FBXO4: variants seen among roughly 807,000 people sequenced by gnomAD.
FBXO4 encodes the protein F-box protein 4.
Under a neutral mutation model 43.7 loss-of-function variants are expected in FBXO4, and 36 were observed. The ratio of observed to expected loss-of-function variants is 0.82; its 90% CI spans 0.63 to 1.09. FBXO4 has a LOEUF of 1.09. FBXO4 is among the 50% of genes least tolerant of loss of function. The pLI is 0.00. For missense variants in FBXO4, 435 were observed against 474.1 expected (o/e 0.92, Z 0.77); for synonymous variants, 180 against 165.6 (o/e 1.09, Z -0.67).
the FBXO4 span, among the ~76,000 whole-genome samples, chr5:42,028,221 A>G: frequency 7.2e-5 from 11 of 152,016 alleles, no homozygotes; most frequent in Non-Finnish European, 1.5e-4. Context: ...GTGCATATAT[A>G]TTTAAAATTG....
At chr5:41,956,490 G>A in the FBXO4 span, among the ~76,000 whole-genome samples, 3 of 152,096 alleles carry the variant, frequency 2.0e-5, no homozygotes, top group Non-Finnish European at 4.4e-5. Flanking sequence ...CAGGTCTGCT[G>A]GAGATGAAGT....
the FBXO4 span, among the ~76,000 whole-genome samples, chr5:41,949,642 A>C: frequency 6.6e-6 from 1 of 152,242 alleles, no homozygotes; most frequent in Non-Finnish European, 1.5e-5. Flanking sequence ...ATACTGCCCA[A>C]GGTATTTTAC....
the FBXO4 span, among the ~76,000 whole-genome samples, chr5:41,970,997 C>A: frequency 6.6e-6 from 1 of 151,622 alleles, no homozygotes; most frequent in East Asian, 1.9e-4. Flanking sequence ...AATATAAAAC[C>A]AAATGCAAGA....
the FBXO4 span, among the ~76,000 whole-genome samples, chr5:42,023,473 A>G: frequency 1.3e-5 from 2 of 152,078 alleles, no homozygotes; most frequent in Admixed American, 6.6e-5. Flanking sequence ...CTCTAAATAC[A>G]ATAGGTATTC....
At chr5:42,012,872 G>A in the FBXO4 span, among the ~76,000 whole-genome samples, 1 of 152,176 alleles carries the variant, frequency 6.6e-6, no homozygotes, top group East Asian at 1.9e-4. Context: ...AATGATGCCT[G>A]TTACAAAGCA....
chr5:42,032,110 T>C, the FBXO4 span, among the ~76,000 whole-genome samples: 1 of 150,370 alleles, frequency 6.7e-6, no homozygotes, highest in African/African-American at 2.5e-5. Context: ...TTCTGGGTCA[T>C]GTAAAGCTGG....
chr5:42,006,566 A>G, the FBXO4 span, among the ~76,000 whole-genome samples: 2 of 152,032 alleles, frequency 1.3e-5, no homozygotes, highest in Non-Finnish European at 2.9e-5. Context: ...ATTACATTTA[A>G]AAAGTCAATT....
At chr5:41,957,178 A>G in the FBXO4 span, among the ~76,000 whole-genome samples, 530 of 151,920 alleles carry the variant, frequency 3.5e-3, 2 homozygotes, top group African/African-American at 0.012. Context: ...GCCATCCATT[A>G]TTTCTTTCAA....
chr5:41,957,483 AATT>A, the FBXO4 span, among the ~76,000 whole-genome samples: 1 of 148,836 alleles, frequency 6.7e-6, no homozygotes, highest in Admixed American at 6.7e-5. Context: ...TAATAACAAT[AATT>A]ATAATAATCC....
chr5:41,988,811 A>G, the FBXO4 span, among the ~76,000 whole-genome samples: 2 of 152,124 alleles, frequency 1.3e-5, no homozygotes, highest in African/African-American at 4.8e-5. Flanking sequence ...ATGACTTTCA[A>G]GCTTCTTACA....
At chr5:41,962,822 A>G in the FBXO4 span, among the ~76,000 whole-genome samples, 1 of 152,216 alleles carries the variant, frequency 6.6e-6, no homozygotes, top group African/African-American at 2.4e-5. Flanking sequence ...ACTCCAAATC[A>G]TCATGCCATC....
the FBXO4 span, among the ~76,000 whole-genome samples, chr5:41,994,258 A>G: frequency 3.3e-5 from 5 of 152,392 alleles, no homozygotes; most frequent in South Asian, 2.1e-4. Context: ...GTCTTATGTC[A>G]CATGATAAAG....
the FBXO4 span, among the ~76,000 whole-genome samples, chr5:41,965,335 T>G: frequency 2.0e-5 from 3 of 152,210 alleles, no homozygotes; most frequent in Non-Finnish European, 4.4e-5. Context: ...CCAGCTTTGT[T>G]CTTTTGGCTT....
chr5:42,027,944 A>G, the FBXO4 span, among the ~76,000 whole-genome samples: 1 of 151,890 alleles, frequency 6.6e-6, no homozygotes, highest in African/African-American at 2.4e-5. Flanking sequence ...TGCTTTGTGA[A>G]CTAACATATG....
downstream of FBXO4, among the ~76,000 whole-genome samples, chr5:41,942,382 A>G (rs1752019256): frequency 6.6e-6 from 1 of 152,098 alleles, no homozygotes; most frequent in South Asian, 2.1e-4. Flanking sequence ...TTAATTTATT[A>G]AGTACCAATG....
chr5:42,021,058 T>C, the FBXO4 span, among the ~76,000 whole-genome samples: 1 of 152,238 alleles, frequency 6.6e-6, no homozygotes, highest in East Asian at 1.9e-4. Flanking sequence ...CAGGGTCCTG[T>C]AGGTCACAAC....
At chr5:41,967,613 C>T in the FBXO4 span, 1 of 1,081,392 alleles carries the variant, frequency 9.2e-7, no homozygotes, top group Non-Finnish European at 1.4e-6. Context: ...CACATTCTTC[C>T]CTAGGGTTGG....
At chr5:41,929,609 C>A in intron 2 of FBXO4, 88 bp from the exon 3 acceptor site, 4 of 916,078 alleles carry the variant, frequency 4.4e-6, no homozygotes, top group Non-Finnish European at 6.6e-6. Context: ...TCCATTGTGT[C>A]TAGCAAGTAC....
the FBXO4 span, among the ~76,000 whole-genome samples, chr5:41,963,509 C>G: frequency 1.3e-5 from 2 of 152,072 alleles, no homozygotes; most frequent in East Asian, 3.8e-4. Flanking sequence ...CTACTAATAA[C>G]CTACTTTGAC....
Sources: allele counts gnomAD v4.1 joint callset (sites outside exome capture counted in the v4.1 genomes callset), GRCh38; gene constraint gnomAD v4.1.1; transcripts MANE v1.5; gene names NCBI Gene and HGNC (gene_info 2026-07-23, HGNC 2026-07-21).